The following MGMT variants were observed in gnomAD, a reference collection of about 807,000 sequenced individuals.
MGMT encodes the protein O-6-methylguanine-DNA methyltransferase.
In MGMT, 14 loss-of-function variants were observed where a neutral mutation model predicts 15.9. That is an observed-to-expected ratio of 0.88 (90% confidence interval 0.58 to 1.37). The LOEUF (loss-of-function observed/expected upper bound fraction) is 1.37, where lower values mean the gene tolerates loss of function less well. MGMT is among the 40% of genes most tolerant of loss of function. MGMT has a pLI of 0.00. For missense variants in MGMT, 282 were observed against 268.1 expected (o/e 1.05, Z -0.36); for synonymous variants, 130 against 118.2 (o/e 1.10, Z -0.65).
intron 2 of MGMT, among the ~76,000 whole-genome samples, chr10:129,658,847 C>T (rs1350949079): frequency 6.6e-6 from 1 of 152,182 alleles, no homozygotes; most frequent in Admixed American, 6.5e-5. Context: ...CCTTAGCTCG[C>T]GTGCCCAACC....
At chr10:129,549,185 T>C (rs1846128660) in intron 2 of MGMT, among the ~76,000 whole-genome samples, 1 of 152,198 alleles carries the variant, frequency 6.6e-6, no homozygotes, top group Non-Finnish European at 1.5e-5. Flanking sequence ...TTGATCCATT[T>C]CCTTCAGTTC....
chr10:129,609,061 C>T (rs1215730518), intron 2 of MGMT, among the ~76,000 whole-genome samples: 1 of 152,204 alleles, frequency 6.6e-6, no homozygotes, highest in Non-Finnish European at 1.5e-5. Context: ...CTGGGCCTCT[C>T]CTGGGCAGGT....
At chr10:129,495,110 A>C (rs552936236) in intron 1 of MGMT, among the ~76,000 whole-genome samples, 23 of 152,370 alleles carry the variant, frequency 1.5e-4, no homozygotes, top group African/African-American at 5.3e-4. Flanking sequence ...ATGTTCCGTT[A>C]AACCAGATTG....
chr10:129,696,529 A>G (rs1306413995), intron 2 of MGMT, among the ~76,000 whole-genome samples: 3 of 152,288 alleles, frequency 2.0e-5, no homozygotes, highest in African/African-American at 7.2e-5. Context: ...TTCACTGTTT[A>G]GAAAATCTTT....
chr10:129,716,993 G>A (rs539309701), intron 3 of MGMT, among the ~76,000 whole-genome samples: 116 of 152,284 alleles, frequency 7.6e-4, no homozygotes, highest in African/African-American at 2.6e-3. Context: ...TGGCAGCGTC[G>A]GCCAGCTGTG....
chr10:129,646,754 A>ATATATTTTTTTTTTTT, intron 2 of MGMT, among the ~76,000 whole-genome samples: 33 of 86,662 alleles, frequency 3.8e-4, no homozygotes, highest in African/African-American at 1.2e-3. Flanking sequence ...ATATATATAT[A>ATATATTTTTTTTTTTT]TTTTCAGGGA....
chr10:129,576,230 C>CA (rs941476981), intron 2 of MGMT, among the ~76,000 whole-genome samples: 1 of 151,952 alleles, frequency 6.6e-6, no homozygotes, highest in African/African-American at 2.4e-5. Context: ...GAGACACAAC[C>CA]AAAAAAGAGA....
chr10:129,575,849 G>A (rs1846475754), intron 2 of MGMT, among the ~76,000 whole-genome samples: 1 of 151,514 alleles, frequency 6.6e-6, no homozygotes. Context: ...ATGACAAAGG[G>A]GATATCACCA....
At chr10:129,717,679 C>G (rs768112714) in intron 3 of MGMT, 2 of 152,174 alleles carry the variant, frequency 1.3e-5, no homozygotes, top group Non-Finnish European at 2.9e-5. Flanking sequence ...CAGTCTGCAT[C>G]TTAGACCCAC....
chr10:129,514,523 C>A (rs1283967905), intron 1 of MGMT, among the ~76,000 whole-genome samples: 12 of 152,212 alleles, frequency 7.9e-5, no homozygotes, highest in African/African-American at 4.8e-5. Context: ...ACTATAATTT[C>A]TCCTAGTTCA....
intron 2 of MGMT, among the ~76,000 whole-genome samples, chr10:129,572,696 G>A (rs146858759): frequency 2.6e-5 from 4 of 151,572 alleles, no homozygotes; most frequent in Admixed American, 1.3e-4. Context: ...GTGGTCATAC[G>A]GAAGAAGTCT....
At chr10:129,717,660 T>C (rs1177749639) in intron 3 of MGMT, 1 of 152,176 alleles carries the variant, frequency 6.6e-6, no homozygotes, top group Non-Finnish European at 1.5e-5. Flanking sequence ...CACCTTTTGA[T>C]GTATGGTACA....
At chr10:129,690,588 A>T (rs1847958429) in intron 2 of MGMT, among the ~76,000 whole-genome samples, 1 of 152,208 alleles carries the variant, frequency 6.6e-6, no homozygotes, top group Non-Finnish European at 1.5e-5. Flanking sequence ...GGCTGCACGC[A>T]TGCTGGTCCT....
At chr10:129,695,873 C>T (rs1005527866) in intron 2 of MGMT, among the ~76,000 whole-genome samples, 6 of 152,108 alleles carry the variant, frequency 3.9e-5, no homozygotes, top group Admixed American at 6.6e-5. Context: ...CTGGGGTACT[C>T]GGCACTTTGC....
chr10:129,767,737 G>A lies in MGMT; in HGVS notation c.*740G>A, dbSNP rs1475219190. 1 of 152,262 alleles carries A rather than the reference G, an allele frequency of 6.6e-6. No individual in the cohort carries two copies. Among genetic ancestry groups the A allele is most frequent in the Non-Finnish European group, 1.5e-5 (1 of 68,074 alleles). The allele number at this position is 152,262 out of a possible 1,614,324, so 9.4% of individuals were successfully genotyped here. A position where few individuals can be genotyped will look rare whatever the true frequency, so the allele number is the denominator to read the frequency against. On this transcript the variant is annotated 3_prime_UTR_variant, in exon 5 of 5. Coordinates refer to ENST00000651593, the MANE Select transcript of MGMT (RefSeq NM_002412.5). ...TGGCCTAGTGTGCTCTGGGCAGCAG[G>A]TAGGAAGGGACAGGGACCTCTCATC...
intron 2 of MGMT, among the ~76,000 whole-genome samples, chr10:129,572,755 C>T (rs1381628505): frequency 6.6e-6 from 1 of 152,126 alleles, no homozygotes; most frequent in African/African-American, 2.4e-5. Context: ...AGAGACTGTG[C>T]CATTAAGAGT....
chr10:129,577,427 A>C (rs1434058186), intron 2 of MGMT, among the ~76,000 whole-genome samples: 2 of 152,198 alleles, frequency 1.3e-5, no homozygotes, highest in African/African-American at 4.8e-5. Context: ...CAAAAAGAAG[A>C]AATGGGGAAA....
intron 3 of MGMT, among the ~76,000 whole-genome samples, chr10:129,737,408 C>T (rs1488834681): frequency 1.3e-5 from 2 of 152,256 alleles, no homozygotes; most frequent in South Asian, 2.1e-4. Context: ...GCTCCATCAG[C>T]TCCTTTAAGC....
chr10:129,539,785 C>T (rs949366007), intron 2 of MGMT, among the ~76,000 whole-genome samples: 7 of 152,294 alleles, frequency 4.6e-5, no homozygotes, highest in African/African-American at 9.6e-5. Flanking sequence ...GGATTACAGG[C>T]GTGAGCCACC....
Sources: allele counts gnomAD v4.1 joint callset (sites outside exome capture counted in the v4.1 genomes callset), GRCh38; gene constraint gnomAD v4.1.1; transcripts MANE v1.5; gene names NCBI Gene and HGNC (gene_info 2026-07-23, HGNC 2026-07-21).